The following PDHA1 variants were observed in gnomAD, a reference collection of about 807,000 sequenced individuals.
PDHA1 encodes the protein pyruvate dehydrogenase E1 subunit alpha 1.
PDHA1 carries 1 observed loss-of-function variant against 33.0 expected under a neutral mutation model. That is an observed-to-expected ratio of 0.03 (90% confidence interval 0.01 to 0.14). PDHA1 has a LOEUF of 0.14. Ranked by LOEUF, PDHA1 falls within the 10% of genes least tolerant of loss-of-function variation. PDHA1 has a pLI of 1.00. For missense variants in PDHA1, 168 were observed against 325.1 expected (o/e 0.52, Z 3.72); for synonymous variants, 123 against 119.2 (o/e 1.03, Z -0.21).
At chrX:19,352,881 A>G (rs2063172591) in intron 4 of PDHA1, 1 of 467,607 alleles carries the variant, frequency 2.1e-6, no homozygotes, top group Non-Finnish European at 3.8e-6. Context: ...GAGAGTAGGA[A>G]AAGCTGGAAA....
intron 5 of PDHA1, chrX:19,353,456 C>T: frequency 2.6e-6 from 1 of 386,350 alleles, no homozygotes; most frequent in South Asian, 3.4e-5. Flanking sequence ...ACATGCTGTG[C>T]AGGGTTGTAG....
chrX:19,344,985 C>T (rs992907282), intron 1 of PDHA1, among the ~76,000 whole-genome samples: 8 of 111,513 alleles, frequency 7.2e-5, no homozygotes, highest in Non-Finnish European at 1.5e-4. Flanking sequence ...CTGCCCTCCC[C>T]TCCCCTTACC....
At chrX:19,351,525 T>C in intron 4 of PDHA1, 118 bp downstream of exon 4, 1 of 640,209 alleles carries the variant, frequency 1.6e-6, no homozygotes, top group Non-Finnish European at 2.4e-6. Flanking sequence ...TTTTTAACCC[T>C]CTCTCCTTTG....
In PDHA1 at chrX:19,358,961, C is replaced by T. The variant is rs1334215082; in HGVS notation, c.945C>T (p.Asp315=). The change falls in exon 10 of 11, where the codon GAC becomes GAT. Residue 315 remains aspartate, a synonymous_variant. Coordinates refer to ENST00000422285, the MANE Select transcript of PDHA1 (RefSeq NM_000284.4). ...TTCAGGAAGTAAGAAGTAAGAGTGACCCTATTATGCTTCTCAAGGACAGGA... is the reference window on the plus strand; with the variant it reads ...TTCAGGAAGTAAGAAGTAAGAGTGATCCTATTATGCTTCTCAAGGACAGGA... ...EEIQEVRSKS[D]PIMLLKDRMV... is the part of the protein sequence containing the mutation. The T allele has an allele frequency of 8.4e-7, 1 of 1,197,318 alleles. No individual in the cohort carries two copies. The highest frequency in any genetic ancestry group is 1.8e-5 in the African/African-American group (1 of 56,783).
chrX:19,353,648 A>C, intron 5 of PDHA1, among the ~76,000 whole-genome samples: 1 of 111,952 alleles, frequency 8.9e-6, no homozygotes, highest in Non-Finnish European at 1.9e-5. Flanking sequence ...TTAAAGACCT[A>C]GTGCTTCATA....
In PDHA1 at chrX:19,361,050, C is replaced by CA. The variant is rs2063279386; in HGVS notation, c.*1398dup. On this transcript the variant is annotated 3_prime_UTR_variant, in exon 11 of 11. Transcript: ENST00000422285. ...GACTCGGGAACAAGAAGGCAGGCTGCAGTTTAAAGAAGGGGGTGGGTCCAG... is the reference window on the plus strand; with the variant it reads ...GACTCGGGAACAAGAAGGCAGGCTGCAAGTTTAAAGAAGGGGGTGGGTCCAG... The CA allele has an allele frequency of 1.4e-5, 6 of 417,590 alleles. No homozygotes were observed. Among genetic ancestry groups the CA allele is most frequent in the South Asian group, 1.2e-4 (3 of 24,823 alleles). The allele number at this position is 417,590 out of a possible 1,213,427, so 34.4% of individuals were successfully genotyped here.
Position 19,360,432 on chromosome X carries a change from A to G in PDHA1, c.*779A>G. ...CAGTGGTGTGATCATGGCTCACTGC[A>G]GCCTCCACACCTCCTGGGCTCAAGC... On this transcript the variant is annotated 3_prime_UTR_variant, in exon 11 of 11. Transcript: ENST00000422285. 1 of 219,969 alleles carries G rather than the reference A, an allele frequency of 4.5e-6. No individual in the cohort carries two copies. Among genetic ancestry groups the G allele is most frequent in the Non-Finnish European group, 8.2e-6 (1 of 121,659 alleles). 18.1% of individuals were successfully genotyped at this position (219,969 alleles called of 1,213,427 possible).
At chrX:19,345,686 G>A in intron 1 of PDHA1, 1 of 222,154 alleles carries the variant, frequency 4.5e-6, no homozygotes, top group South Asian at 5.3e-5. Context: ...GGCACCTGAT[G>A]TAGGTTTTCT....
At position 19,359,060 on chromosome X, in the gene PDHA1, C is replaced by CT. The variant is rs777633947; in HGVS notation, c.1008+39dup. The CT allele has an allele frequency of 1.7e-5, 16 of 943,992 alleles. No individual in the cohort carries two copies. In the Admixed American group the frequency reaches 2.7e-4, roughly 16 times the overall value. 77.8% of individuals were successfully genotyped at this position (943,992 alleles called of 1,213,427 possible). A position where few individuals can be genotyped will look rare whatever the true frequency, so the allele number is the denominator to read the frequency against. Reference sequence around the variant, plus strand: ...TTGTTCATGGTGGTTTGAAGGTTGGCTTTAAAAGTTGCCACCCCTGGGTGG... The same window carrying CT: ...TTGTTCATGGTGGTTTGAAGGTTGGCTTTTAAAAGTTGCCACCCCTGGGTGG... On this transcript the variant is annotated intron_variant, in intron 10 of 10. Coordinates refer to ENST00000422285, the MANE Select transcript of PDHA1 (RefSeq NM_000284.4).
At chrX:19,359,095 T>G (rs1303772480) in intron 10 of PDHA1, 71 bp downstream of exon 10, 1 of 609,036 alleles carries the variant, frequency 1.6e-6, no homozygotes, top group Non-Finnish European at 2.8e-6. Context: ...GCCACAGAGT[T>G]TGTGTGGGTT....
In PDHA1 at chrX:19,361,346, G is replaced by T. The variant is rs148399187; in HGVS notation, c.*1693G>T. The T allele has an allele frequency of 9.2e-6, 11 of 1,201,713 alleles. No individual in the cohort carries two copies. Among genetic ancestry groups the T allele is most frequent in the Non-Finnish European group, 1.2e-5 (11 of 887,441 alleles). On this transcript the variant is annotated 3_prime_UTR_variant, in exon 11 of 11. Transcript: ENST00000422285. ...CTGTTTTGAGGCTCTTACCGTAGTC[G>T]AAGGTATCTTAGATCTTCCTTAGTG...
At chrX:19,351,518 T>C in intron 4 of PDHA1, 111 bp downstream of exon 4, 1 of 688,725 alleles carries the variant, frequency 1.5e-6, no homozygotes, top group Non-Finnish European at 2.2e-6. Flanking sequence ...GTTTCTTTTT[T>C]TAACCCTCTC....
intron 1 of PDHA1, among the ~76,000 whole-genome samples, chrX:19,348,128 T>C (rs1221831551): frequency 8.9e-6 from 1 of 112,738 alleles, no homozygotes; most frequent in Non-Finnish European, 1.9e-5. Context: ...TACACGTCAG[T>C]GTGTGAGAAT....
Position 19,361,190 on chromosome X carries a change from G to GT in PDHA1, c.*1540dup. On this transcript the variant is annotated 3_prime_UTR_variant, in exon 11 of 11. Coordinates refer to ENST00000422285, the MANE Select transcript of PDHA1 (RefSeq NM_000284.4). ...ATTTCTGACTTCTGCCTGGCTTTCA[G>GT]TTTCTGCCCCACCTTGGCTTTTTCC... 4 of 470,613 alleles carry GT rather than the reference G, an allele frequency of 8.5e-6. No homozygotes were observed. The highest frequency in any genetic ancestry group is 1.4e-5 in the Non-Finnish European group (4 of 279,004). The allele number at this position is 470,613 out of a possible 1,213,427, so 38.8% of individuals were successfully genotyped here.
chrX:19,360,323 CTTGT>C lies in PDHA1; in HGVS notation c.*677_*680del. The C allele has an allele frequency of 6.9e-6, 1 of 144,268 alleles. No individual in the cohort carries two copies. Among genetic ancestry groups the C allele is most frequent in the East Asian group, 2.3e-4 (1 of 4,318 alleles). 11.9% of individuals were successfully genotyped at this position (144,268 alleles called of 1,213,427 possible). A position where few individuals can be genotyped will look rare whatever the true frequency, so the allele number is the denominator to read the frequency against. The stretch of plus-strand genomic sequence containing the variant: ...CAGCTTCCATGTTTGTTAAATACCC[CTTGT>C]TTGTTTCACCATTCCAGCAAGTGCT... On this transcript the variant is annotated 3_prime_UTR_variant, in exon 11 of 11. Coordinates refer to ENST00000422285, the MANE Select transcript of PDHA1 (RefSeq NM_000284.4).
chrX:19,352,964 G>A (rs193108658), intron 4 of PDHA1, 118 bp from the exon 5 acceptor site: 6 of 600,663 alleles, frequency 1.0e-5, no homozygotes, highest in East Asian at 9.7e-5. Context: ...GTACTTAGAC[G>A]ACTGAACTGG....
chrX:19,359,458 A>AT, intron 10 of PDHA1, 31 bp from the exon 11 acceptor site: 5 of 1,180,752 alleles, frequency 4.2e-6, no homozygotes, highest in Non-Finnish European at 5.8e-6. Context: ...TGTTCATTCT[A>AT]AAACCTTTTA....
chrX:19,344,383 T>C lies in PDHA1; in HGVS notation c.57+289T>C, dbSNP rs73453457. On this transcript the variant is annotated intron_variant, in intron 1 of 10. Coordinates refer to ENST00000422285, the MANE Select transcript of PDHA1 (RefSeq NM_000284.4). ...GTCGGTGTGCTCAAGAGGTGCCTGT[T>C]GGGTTACAGGACACGGAAAGGGTGG... Among the ~76,000 whole-genome samples the C allele has an allele frequency of 0.012, 1,342 of 113,401 alleles. 30 individuals carry two copies. The highest frequency in any genetic ancestry group is 0.041 in the African/African-American group (1,282 of 31,295).
intron 1 of PDHA1, 152 bp downstream of exon 1, chrX:19,344,246 T>C: frequency 2.1e-6 from 1 of 487,517 alleles, no homozygotes; most frequent in South Asian, 3.1e-5. Flanking sequence ...CTGCATTCCG[T>C]TCCTGGCCTC....
Sources: gnomAD v4.1 joint callset for allele counts (sites outside exome capture counted in the v4.1 genomes callset) on GRCh38, gnomAD v4.1.1 for gene constraint, MANE v1.5 for transcripts, NCBI Gene and HGNC (gene_info 2026-07-23, HGNC 2026-07-21) for gene names.